The following DMD variants were observed in gnomAD, a reference collection of about 807,000 sequenced individuals.
DMD encodes the protein mutant dystrophin.
Under a neutral mutation model 330.1 loss-of-function variants are expected in DMD, and 63 were observed. The ratio of observed to expected loss-of-function variants is 0.19; its 90% CI spans 0.16 to 0.24. The LOEUF is 0.24. Among genes scored for constraint, DMD ranks in the 10% least tolerant of loss-of-function variants. The probability of loss-of-function intolerance (pLI) is 1.00; values close to 1 mark genes in which losing one functional copy is unlikely to be tolerated. For synonymous variants in DMD, 1,223 were observed against 959.8 expected (o/e 1.27, Z -5.07); for missense variants, 3,344 against 2,684.1 (o/e 1.25, Z -5.43).
At chrX:32,748,180 T>G (rs1333922545) in intron 7 of DMD, among the ~76,000 whole-genome samples, 1 of 108,989 alleles carries the variant, frequency 9.2e-6, no homozygotes, top group Non-Finnish European at 1.9e-5. Context: ...CCGTTTCTAC[T>G]AAAAATACAC....
chrX:32,957,773 TA>T lies in DMD; in HGVS notation c.93+62365del, dbSNP rs913490518. Among the ~76,000 whole-genome samples the T allele has an allele frequency of 2.7e-5, 3 of 111,363 alleles. No homozygotes were observed. The Admixed American group carries it at 2.9e-4, about 11-fold the overall frequency. Reference sequence around the variant, plus strand: ...AAAGATCTACATCAGCAGCCAAAGGTAAAAATAAGCACTTCAGAAAGAAAAC... The same window carrying T: ...AAAGATCTACATCAGCAGCCAAAGGTAAAATAAGCACTTCAGAAAGAAAAC... On this transcript the variant is annotated intron_variant, in intron 2 of 78. Transcript: ENST00000357033.
intron 44 of DMD, among the ~76,000 whole-genome samples, chrX:31,975,634 T>C (rs2095430638): frequency 8.9e-6 from 1 of 112,114 alleles, no homozygotes; most frequent in Non-Finnish European, 1.9e-5. Flanking sequence ...TCTGAACACA[T>C]TAAATGTTTC....
chrX:32,129,916 G>A (rs1423742036), intron 44 of DMD, among the ~76,000 whole-genome samples: 1 of 109,553 alleles, frequency 9.1e-6, no homozygotes, highest in African/African-American at 3.3e-5. Flanking sequence ...ATTTCCAAAG[G>A]TTGGCCAGAT....
At chrX:31,372,861 T>C (rs1352998023) in intron 60 of DMD, among the ~76,000 whole-genome samples, 1 of 111,029 alleles carries the variant, frequency 9.0e-6, no homozygotes, top group African/African-American at 3.3e-5. Context: ...GGTATTCAAT[T>C]AGGAAAAGAG....
intron 60 of DMD, among the ~76,000 whole-genome samples, chrX:31,357,771 C>A (rs1441719946): frequency 9.0e-6 from 1 of 111,677 alleles, no homozygotes; most frequent in African/African-American, 3.3e-5. Context: ...TGGCAAGTGA[C>A]TGAAAAGCGC....
intron 60 of DMD, among the ~76,000 whole-genome samples, chrX:31,387,006 C>T (rs1184101090): frequency 8.9e-6 from 1 of 111,744 alleles, no homozygotes; most frequent in Non-Finnish European, 1.9e-5. Context: ...TGAAGCCAAA[C>T]ACAGTGATTA....
At chrX:32,972,410 G>T (rs1169285640) in intron 2 of DMD, among the ~76,000 whole-genome samples, 1 of 110,765 alleles carries the variant, frequency 9.0e-6, no homozygotes, top group African/African-American at 3.3e-5. Context: ...AAACTCCTGA[G>T]CTCAAGTGAT....
At chrX:32,886,418 T>C (rs2084574836) in intron 2 of DMD, among the ~76,000 whole-genome samples, 1 of 111,187 alleles carries the variant, frequency 9.0e-6, no homozygotes, top group African/African-American at 3.3e-5. Flanking sequence ...GCACGGTGGC[T>C]CAAGCCTGTA....
At chrX:31,649,570 G>A (rs1230317838) in intron 54 of DMD, among the ~76,000 whole-genome samples, 1 of 109,122 alleles carries the variant, frequency 9.2e-6, no homozygotes, top group African/African-American at 3.4e-5. Flanking sequence ...CCCTACTGTA[G>A]AATGCAGAGA....
At chrX:31,981,090 T>C (rs1212106083) in intron 44 of DMD, among the ~76,000 whole-genome samples, 1 of 111,851 alleles carries the variant, frequency 8.9e-6, no homozygotes, top group Admixed American at 9.5e-5. Context: ...AATCAGGTTA[T>C]ACAGGAACAG....
chrX:31,298,408 CAT>C (rs61313821), intron 62 of DMD, among the ~76,000 whole-genome samples: 3 of 96,831 alleles, frequency 3.1e-5, no homozygotes, highest in Non-Finnish European at 6.4e-5. Flanking sequence ...CACACACACA[CAT>C]ACACACACAC....
intron 44 of DMD, among the ~76,000 whole-genome samples, chrX:32,049,072 G>T (rs749408729): frequency 2.3e-4 from 26 of 111,395 alleles, no homozygotes; most frequent in Non-Finnish European, 4.0e-4. Flanking sequence ...TCAGTTCTTG[G>T]AACACAGAGT....
At chrX:31,749,372 C>A (rs1480361746) in intron 51 of DMD, among the ~76,000 whole-genome samples, 1 of 98,280 alleles carries the variant, frequency 1.0e-5, no homozygotes, top group Non-Finnish European at 2.0e-5. Context: ...CAATTCCCAC[C>A]TATGAATGAG....
intron 1 of DMD, among the ~76,000 whole-genome samples, chrX:33,201,421 G>C (rs1187288171): frequency 9.0e-6 from 1 of 111,260 alleles, no homozygotes; most frequent in African/African-American, 3.3e-5. Flanking sequence ...TGCTTGTGAA[G>C]TCAGAGAAAC....
intron 1 of DMD, among the ~76,000 whole-genome samples, chrX:33,233,319 T>C (rs920213926): frequency 3.6e-5 from 4 of 112,061 alleles, no homozygotes; most frequent in Admixed American, 9.5e-5. Flanking sequence ...TGAAGACTTA[T>C]GTTCACACAA....
intron 4 of DMD, among the ~76,000 whole-genome samples, chrX:32,838,950 A>G (rs1186335761): frequency 8.9e-6 from 1 of 112,300 alleles, no homozygotes; most frequent in African/African-American, 3.2e-5. Context: ...ATTATAAATC[A>G]TTCTACTATG....
intron 17 of DMD, among the ~76,000 whole-genome samples, chrX:32,540,244 A>AT (rs2048368800): frequency 1.8e-5 from 2 of 111,589 alleles, no homozygotes; most frequent in Admixed American, 1.9e-4. Context: ...GAATTGCAGG[A>AT]ATAATTTGCT....
chrX:32,266,472 C>G (rs917502855), intron 43 of DMD, among the ~76,000 whole-genome samples: 8 of 111,479 alleles, frequency 7.2e-5, no homozygotes, highest in South Asian at 3.7e-4. Context: ...GTATTTTTAC[C>G]TTTTTACTTT....
At chrX:32,732,167 G>A (rs1402298069) in intron 7 of DMD, among the ~76,000 whole-genome samples, 2 of 111,371 alleles carry the variant, frequency 1.8e-5, no homozygotes, top group African/African-American at 6.5e-5. Flanking sequence ...TATCAGTGAT[G>A]GAAGATGAAA....
Sources: allele counts gnomAD v4.1 joint callset (sites outside exome capture counted in the v4.1 genomes callset), GRCh38; gene constraint gnomAD v4.1.1; transcripts MANE v1.5; gene names NCBI Gene and HGNC (gene_info 2026-07-23, HGNC 2026-07-21).